Variants in SNED1 observed in about 807,000 individuals in gnomAD.
SNED1 encodes sushi, nidogen and EGF-like domain-containing protein 1.
In SNED1, 81 loss-of-function variants were observed where a neutral mutation model predicts 166.7. That is an observed-to-expected ratio of 0.49 (90% CI 0.41 to 0.58). SNED1 has a LOEUF of 0.58. SNED1 is among the 20% of genes least tolerant of loss of function. The pLI is 0.00. For missense variants in SNED1, 1,604 were observed against 2,000.2 expected (o/e 0.80, Z 3.78); for synonymous variants, 762 against 822.0 (o/e 0.93, Z 1.25).
In SNED1 at chr2:241,032,274, C is replaced by T. The variant is rs991327526; in HGVS notation, c.502-1461C>T. Among the ~76,000 whole-genome samples the T allele has an allele frequency of 2.0e-5, 3 of 151,966 alleles. 1 individual carries two copies. Among genetic ancestry groups the T allele is most frequent in the Admixed American group, 1.3e-4 (2 of 15,254 alleles). On this transcript the variant is annotated intron_variant, in intron 2 of 31. Coordinates refer to ENST00000310397, the MANE Select transcript of SNED1 (RefSeq NM_001080437.3). Reference sequence around the variant, plus strand: ...CTGAGGCAGGAGAATTGCTTGAACCCGGGAGGCAGAGGTTGCAGTGAGCCG... The same window carrying T: ...CTGAGGCAGGAGAATTGCTTGAACCTGGGAGGCAGAGGTTGCAGTGAGCCG...
intron 8 of SNED1, chr2:241,041,509 AC>A (rs1457577877): frequency 2.6e-5 from 4 of 152,284 alleles, no homozygotes; most frequent in African/African-American, 9.7e-5. Flanking sequence ...ACGTGGTGAA[AC>A]CCCATCTGTA....
At chr2:241,030,215 G>T (rs1278454305) in intron 1 of SNED1, 69 bp from the exon 2 acceptor site, 3 of 1,421,186 alleles carry the variant, frequency 2.1e-6, no homozygotes, top group Admixed American at 2.2e-5. Context: ...AGGGGCTGGG[G>T]AGGCTGCTGG....
chr2:241,053,426 C>A, intron 16 of SNED1, 100 bp downstream of exon 16: 4 of 1,262,892 alleles, frequency 3.2e-6, no homozygotes, highest in Non-Finnish European at 4.3e-6. Flanking sequence ...AGCCTGGATG[C>A]CCAGCTCTGA....
chr2:241,082,299 C>A lies in SNED1; in HGVS notation c.4056C>A (p.Pro1352=), dbSNP rs1284720882. ...CAGCCTGTATAAAGGTGTCCCGCCCCTGCACAAGGCTGTTCTCCGAGACAA... is the reference window on the plus strand; with the variant it reads ...CAGCCTGTATAAAGGTGTCCCGCCCATGCACAAGGCTGTTCTCCGAGACAA... The part of the protein sequence containing the change: ...CELACIKVSR[P]CTRLFSETKA... Residue 1352 remains proline, a synonymous_variant, in exon 29 of 32, where the codon CCC becomes CCA. Transcript: ENST00000310397. The A allele has an allele frequency of 6.2e-7, 1 of 1,613,360 alleles. No homozygotes were observed. Among genetic ancestry groups the A allele is most frequent in the South Asian group, 1.1e-5 (1 of 91,044 alleles).
chr2:241,022,749 G>A (rs942567307), intron 1 of SNED1, among the ~76,000 whole-genome samples: 2 of 152,186 alleles, frequency 1.3e-5, no homozygotes, highest in African/African-American at 4.8e-5. Flanking sequence ...ATTCTGTCAT[G>A]CTAACATTCT....
At chr2:241,065,072 C>T (rs1008612763) in intron 20 of SNED1, 115 bp downstream of exon 20, 1 of 895,892 alleles carries the variant, frequency 1.1e-6, no homozygotes, top group Admixed American at 2.9e-5. Flanking sequence ...GGCCCCTTCC[C>T]TGAGGAACAG....
chr2:241,005,862 G>A (rs997409958), intron 1 of SNED1, among the ~76,000 whole-genome samples: 2 of 151,840 alleles, frequency 1.3e-5, no homozygotes, highest in South Asian at 4.2e-4. Context: ...GTTATTAGGT[G>A]TATTGTTGTA....
At chr2:241,071,537 C>A in intron 24 of SNED1, 39 bp from the exon 25 acceptor site, 1 of 1,559,824 alleles carries the variant, frequency 6.4e-7, no homozygotes, top group Admixed American at 1.8e-5. Context: ...GAGCAGAGGG[C>A]AGCCCCAGAC....
intron 6 of SNED1, 85 bp downstream of exon 6, chr2:241,037,438 A>C: frequency 1.1e-6 from 1 of 942,694 alleles, no homozygotes; most frequent in African/African-American, 1.6e-5. Context: ...AGGTCTTGGA[A>C]GGTCCAGCAG....
At chr2:241,037,452 T>C in intron 6 of SNED1, 99 bp downstream of exon 6, 1 of 819,540 alleles carries the variant, frequency 1.2e-6, no homozygotes, top group Non-Finnish European at 2.0e-6. Context: ...CCAGCAGCTG[T>C]GCATGCTGCA....
In SNED1 at chr2:241,095,099, A is replaced by AT. The variant is rs959990158; in HGVS notation, c.*3465dup. 3 of 125,608 alleles carry AT rather than the reference A, an allele frequency of 2.4e-5. No individual in the cohort carries two copies. Among genetic ancestry groups the AT allele is most frequent in the Middle Eastern group, 5.2e-3 (1 of 194 alleles). 7.8% of individuals were successfully genotyped at this position (125,608 alleles called of 1,614,324 possible). ...CCACACCCACCTTGGGGGGTCACGG[A>AT]TTGCTCCCTGTGGCCCTGGCTTCAG... On this transcript the variant is annotated 3_prime_UTR_variant, in exon 32 of 32. Coordinates refer to ENST00000310397, the MANE Select transcript of SNED1 (RefSeq NM_001080437.3).
At chr2:241,015,231 G>A (rs572955517) in intron 1 of SNED1, among the ~76,000 whole-genome samples, 17 of 152,322 alleles carry the variant, frequency 1.1e-4, no homozygotes, top group African/African-American at 2.9e-4. Flanking sequence ...ATATTGAGTC[G>A]TGCAATCTAG....
Position 241,068,030 on chromosome 2 carries a change from A to T in SNED1, c.3194+83A>T. On this transcript the variant is annotated intron_variant, in intron 22 of 31. Coordinates refer to ENST00000310397, the MANE Select transcript of SNED1 (RefSeq NM_001080437.3). This position sits in a 1 kb window ranked among gnomAD's most constrained non-coding sequence, Gnocchi z 5.3. ...GACACGGGGCCCAGGTCTCGGGCAC[A>T]TTCTCCGTGTGTGGACTGTACCACC... The T allele has an allele frequency of 7.7e-7, 1 of 1,295,946 alleles. No individual in the cohort carries two copies. Among genetic ancestry groups the T allele is most frequent in the Non-Finnish European group, 1.1e-6 (1 of 935,962 alleles). The allele number at this position is 1,295,946 out of a possible 1,614,324, so 80.3% of individuals were successfully genotyped here. A position where few individuals can be genotyped will look rare whatever the true frequency, so the allele number is the denominator to read the frequency against.
chr2:241,007,792 A>C (rs1170902183), intron 1 of SNED1, among the ~76,000 whole-genome samples: 5 of 152,174 alleles, frequency 3.3e-5, no homozygotes, highest in African/African-American at 1.2e-4. Flanking sequence ...ATGACAATAC[A>C]AGATTCCATT....
Position 241,094,613 on chromosome 2 carries a change from G to A in SNED1, c.*2977G>A, listed in dbSNP as rs1008393133. On this transcript the variant is annotated 3_prime_UTR_variant, in exon 32 of 32. Coordinates refer to ENST00000310397, the MANE Select transcript of SNED1 (RefSeq NM_001080437.3). This position sits in a 1 kb window ranked among gnomAD's most constrained non-coding sequence, Gnocchi z 4.3. ...TCCATTTACCATCTGAAGTTGTCAC[G>A]AGTGAACAGTCACATTACTGTTGTG... 1.4e-5 allele frequency: 5 copies of A among 351,512 alleles called. No homozygotes were observed. Among genetic ancestry groups the A allele is most frequent in the South Asian group, 2.2e-5 (1 of 46,088 alleles). The allele number at this position is 351,512 out of a possible 1,614,324, so 21.8% of individuals were successfully genotyped here.
rs1177588145 is a variant in SNED1 at position 241,052,081 on chromosome 2, C to T, written c.1893C>T (p.Gly631=). 18 of 1,613,884 alleles carry T rather than the reference C, an allele frequency of 1.1e-5. No homozygotes were observed. Among genetic ancestry groups the T allele is most frequent in the South Asian group, 4.4e-5 (4 of 91,078 alleles). The change falls in exon 14 of 32, where the codon GGC becomes GGT. Residue 631 remains glycine, a synonymous_variant. Transcript: ENST00000310397. The stretch of plus-strand genomic sequence containing the variant: ...GTGCCTCTGGCCCCTGTCACAACGG[C>T]GGCACCTGCTTCCACTACATTGGCA... ...DSCASGPCHN[G]GTCFHYIGKY... is the part of the protein sequence containing the mutation.
intron 21 of SNED1, among the ~76,000 whole-genome samples, chr2:241,066,456 CG>C (rs974028616): frequency 8.5e-5 from 13 of 152,254 alleles, no homozygotes; most frequent in African/African-American, 3.1e-4. Context: ...CAGGGGATCT[CG>C]GAACAGGCTG....
chr2:241,064,203 T>C lies in SNED1; in HGVS notation c.2599+78T>C, dbSNP rs1303518941. 3 of 945,076 alleles carry C rather than the reference T, an allele frequency of 3.2e-6. No individual in the cohort carries two copies. The highest frequency in any genetic ancestry group is 4.6e-6 in the Non-Finnish European group (3 of 656,970). The allele number at this position is 945,076 out of a possible 1,614,324, so 58.5% of individuals were successfully genotyped here. ...CTCTGCCCGCCTGCTGCCCGCCCTC[T>C]GCCCGCCTGCTCCCCGCCCTCTGCC... On this transcript the variant is annotated intron_variant, in intron 19 of 31. Coordinates refer to ENST00000310397, the MANE Select transcript of SNED1 (RefSeq NM_001080437.3). The surrounding 1 kb of genome is among the most constrained non-coding windows in gnomAD (Gnocchi z 7.0).
intron 1 of SNED1, among the ~76,000 whole-genome samples, chr2:241,023,501 C>T (rs1217726384): frequency 6.6e-6 from 1 of 151,916 alleles, no homozygotes; most frequent in East Asian, 1.9e-4. Flanking sequence ...AAAAATGTTC[C>T]ATTTGTGATA....
Sources: gnomAD v4.1 joint callset for allele counts (sites outside exome capture counted in the v4.1 genomes callset) on GRCh38, gnomAD v4.1.1 for gene constraint, Gnocchi (gnomAD v3.1) non-coding constraint, MANE v1.5 for transcripts, NCBI Gene and HGNC (gene_info 2026-07-23, HGNC 2026-07-21) for gene names.